GRK4: variants seen among roughly 807,000 people sequenced by gnomAD.
The protein encoded by GRK4 is G protein-coupled receptor kinase 4, also known as G protein-coupled receptor kinase 2-like.
In GRK4, 73 loss-of-function variants were observed where a neutral mutation model predicts 77.9. The observed-to-expected ratio is 0.94, with a 90% CI of 0.78 to 1.14. The LOEUF (loss-of-function observed/expected upper bound fraction) is 1.14. Among genes scored for constraint, GRK4 ranks in the 50% most tolerant of loss-of-function variants. The pLI is 0.00. For synonymous variants in GRK4, 257 were observed against 254.4 expected (o/e 1.01, Z -0.10); for missense variants, 729 against 700.2 (o/e 1.04, Z -0.46).
chr4:3,023,223 C>G (rs937910290), intron 10 of GRK4, among the ~76,000 whole-genome samples: 2 of 152,146 alleles, frequency 1.3e-5, no homozygotes, highest in Non-Finnish European at 2.9e-5. Context: ...GGCTCCTTGT[C>G]TGCAGCATGG....
At chr4:3,040,094 C>T (rs1237704183) in intron 15 of GRK4, among the ~76,000 whole-genome samples, 3 of 152,210 alleles carry the variant, frequency 2.0e-5, no homozygotes, top group African/African-American at 7.2e-5. Context: ...GCATCTACCA[C>T]ATCATGAAGT....
chr4:3,003,198 A>G (rs537620987), intron 4 of GRK4, among the ~76,000 whole-genome samples: 4 of 151,882 alleles, frequency 2.6e-5, no homozygotes, highest in Admixed American at 2.6e-4. Context: ...TGGCTTCTTT[A>G]TTTATTTTTG....
In GRK4 at chr4:3,005,792, C is replaced by T. The variant is rs562289283; in HGVS notation, c.443+1458C>T. On this transcript the variant is annotated intron_variant, in intron 5 of 15. Transcript: ENST00000398052. ...CTGTACTCCAGCCTGGGCAACACAGCGAGACTCTGTCTCATAAATAAATAA... is the reference window on the plus strand; with the variant it reads ...CTGTACTCCAGCCTGGGCAACACAGTGAGACTCTGTCTCATAAATAAATAA... 4.8e-4 allele frequency among the ~76,000 whole-genome samples: 73 copies of T among 151,782 alleles called. 1 individual carries two copies. Among genetic ancestry groups the T allele is most frequent in the Non-Finnish European group, 6.8e-4 (46 of 67,858 alleles).
chr4:3,031,204 G>A (rs1739074462), intron 12 of GRK4, among the ~76,000 whole-genome samples: 1 of 152,198 alleles, frequency 6.6e-6, no homozygotes, highest in East Asian at 1.9e-4. Context: ...CCGGAGAGGA[G>A]GCAGAGTCTG....
At chr4:3,024,305 C>T (rs1560481430) in intron 10 of GRK4, among the ~76,000 whole-genome samples, 2 of 152,244 alleles carry the variant, frequency 1.3e-5, no homozygotes, top group Non-Finnish European at 2.9e-5. Context: ...AGGCTGGGTG[C>T]AGTAGCTACT....
intron 15 of GRK4, 179 bp downstream of exon 15, chr4:3,038,692 C>A: frequency 1.7e-6 from 1 of 593,594 alleles, no homozygotes; most frequent in African/African-American, 1.8e-5. Context: ...AGAACACCCT[C>A]GCAGTGAGGT....
Position 3,022,555 on chromosome 4 carries a change from G to C in GRK4, c.970+104G>C, listed in dbSNP as rs542256896. The C allele has an allele frequency of 2.7e-4, 268 of 1,001,882 alleles. 1 individual carries two copies. Among genetic ancestry groups the C allele is most frequent in the Non-Finnish European group, 3.5e-4 (233 of 662,432 alleles). The allele number at this position is 1,001,882 out of a possible 1,614,324, so 62.1% of individuals were successfully genotyped here. ...TGGACTTAATGATTAGGAGAGAATG[G>C]AAACAATAACAAAAAGAAAAACTCT... On this transcript the variant is annotated intron_variant, in intron 10 of 15. Coordinates refer to ENST00000398052, the MANE Select transcript of GRK4 (RefSeq NM_182982.3).
intron 1 of GRK4, chr4:2,965,570 G>C (rs1366647960): frequency 1.5e-6 from 1 of 656,544 alleles, no homozygotes; most frequent in Non-Finnish European, 2.8e-6. Context: ...TGGAGCCGAA[G>C]GTGGCGGCCA....
At chr4:2,979,595 C>T (rs1027192763) in intron 1 of GRK4, among the ~76,000 whole-genome samples, 1 of 152,124 alleles carries the variant, frequency 6.6e-6, no homozygotes, top group Admixed American at 6.5e-5. Context: ...TGCCTGTAAT[C>T]CCAGCTACTC....
chr4:3,015,600 C>A (rs112726658), intron 8 of GRK4, among the ~76,000 whole-genome samples: 8,439 of 150,548 alleles, frequency 0.056, 387 homozygotes, highest in African/African-American at 0.13. Context: ...GCGTGAACCC[C>A]GGAGGCGGAG....
At chr4:2,986,696 G>A (rs1308944935) in intron 2 of GRK4, 1 of 180,694 alleles carries the variant, frequency 5.5e-6, no homozygotes, top group Non-Finnish European at 1.2e-5. Flanking sequence ...TATTTTTATA[G>A]AGACAAATAT....
At chr4:2,989,690 A>G (rs1213497490) in intron 3 of GRK4, among the ~76,000 whole-genome samples, 1 of 152,250 alleles carries the variant, frequency 6.6e-6, no homozygotes, top group South Asian at 2.1e-4. Flanking sequence ...GCTTTAACCC[A>G]GAAGCATATG....
At chr4:3,038,622 A>G (rs547683258) in intron 15 of GRK4, 109 bp downstream of exon 15, 1 of 1,234,898 alleles carries the variant, frequency 8.1e-7, no homozygotes, top group Non-Finnish European at 1.1e-6. Context: ...TGGCTCCTAC[A>G]GGCAGTTTTA....
chr4:3,028,040 C>G (rs563013201), intron 11 of GRK4, 39 bp downstream of exon 11: 1 of 1,581,712 alleles, frequency 6.3e-7, no homozygotes. Context: ...CCTTTCTATC[C>G]GGGTGCCTGA....
intron 2 of GRK4, among the ~76,000 whole-genome samples, chr4:2,986,451 G>C (rs577837081): frequency 6.8e-6 from 1 of 146,620 alleles, no homozygotes; most frequent in Non-Finnish European, 1.5e-5. Context: ...CCGCCTCCCA[G>C]ATTCAAGTGA....
intron 10 of GRK4, among the ~76,000 whole-genome samples, chr4:3,026,838 CT>C (rs1356968370): frequency 6.6e-6 from 1 of 152,202 alleles, no homozygotes; most frequent in Non-Finnish European, 1.5e-5. Flanking sequence ...ACTACAGTGC[CT>C]TGGAGGGCAT....
At chr4:2,983,941 T>A (rs1009416787) in intron 1 of GRK4, among the ~76,000 whole-genome samples, 3 of 152,116 alleles carry the variant, frequency 2.0e-5, no homozygotes. Flanking sequence ...CTGCCACTTT[T>A]AAAACCATCA....
chr4:3,006,968 C>A (rs1423318734), intron 5 of GRK4, among the ~76,000 whole-genome samples: 1 of 152,166 alleles, frequency 6.6e-6, no homozygotes, highest in Non-Finnish European at 1.5e-5. Flanking sequence ...TCCTTCACAT[C>A]CCTCTCCTGG....
intron 1 of GRK4, among the ~76,000 whole-genome samples, chr4:2,971,874 G>C (rs1165610071): frequency 6.6e-6 from 1 of 152,158 alleles, no homozygotes. Flanking sequence ...CCCTCTGTGG[G>C]TGTGTCTGTG....
Sources: allele counts gnomAD v4.1 joint callset (sites outside exome capture counted in the v4.1 genomes callset), GRCh38; gene constraint gnomAD v4.1.1; transcripts MANE v1.5; gene names NCBI Gene and HGNC (gene_info 2026-07-23, HGNC 2026-07-21).